Variants in EBF2 observed in about 807,000 individuals in gnomAD.
EBF2 encodes EBF transcription factor 2.
A neutral mutation model predicts 72.8 loss-of-function variants in EBF2; 21 were observed. That is an observed-to-expected ratio of 0.29 (90% confidence interval 0.20 to 0.42). The LOEUF is 0.42. Ranked by LOEUF, EBF2 falls within the 10% of genes least tolerant of loss-of-function variation. The pLI, the probability that EBF2 is intolerant of heterozygous loss-of-function variation, is 1.00. For synonymous variants in EBF2, 299 were observed against 274.2 expected, an observed-to-expected ratio of 1.09 and a Z score of -0.89; for missense variants, 637 against 731.2, an observed-to-expected ratio of 0.87 and a Z score of 1.49.
At chr8:25,848,742 G>A (rs1255678025) in intron 15 of EBF2, among the ~76,000 whole-genome samples, 1 of 152,160 alleles carries the variant, frequency 6.6e-6, no homozygotes, top group East Asian at 1.9e-4. Flanking sequence ...GGAAAGGGCT[G>A]CATCCATCCT....
intron 6 of EBF2, among the ~76,000 whole-genome samples, chr8:26,030,864 A>G (rs954422507): frequency 6.6e-6 from 1 of 152,260 alleles, no homozygotes; most frequent in South Asian, 2.1e-4. Context: ...GCATGCTAGC[A>G]CAAACTATGA....
chr8:25,897,525 C>T (rs1463278239), intron 7 of EBF2, among the ~76,000 whole-genome samples: 1 of 152,080 alleles, frequency 6.6e-6, no homozygotes, highest in Non-Finnish European at 1.5e-5. Context: ...CCTTTCTTTC[C>T]CTGCTAGTAA....
chr8:25,900,646 C>T (rs940456389), intron 7 of EBF2, among the ~76,000 whole-genome samples: 1 of 152,012 alleles, frequency 6.6e-6, no homozygotes, highest in African/African-American at 2.4e-5. Context: ...ATTTGAGACA[C>T]CCAAGGGTCT....
chr8:25,876,748 T>A (rs761810591), intron 10 of EBF2, among the ~76,000 whole-genome samples: 7 of 152,160 alleles, frequency 4.6e-5, no homozygotes, highest in Non-Finnish European at 1.0e-4. Flanking sequence ...GAATAAGACA[T>A]CTAGGATTCA....
chr8:26,012,842 A>G (rs1298170676), intron 6 of EBF2, among the ~76,000 whole-genome samples: 1 of 152,194 alleles, frequency 6.6e-6, no homozygotes, highest in East Asian at 1.9e-4. Flanking sequence ...AGCATCAAAC[A>G]AAGTCTTCCA....
intron 8 of EBF2, among the ~76,000 whole-genome samples, chr8:25,888,233 A>T (rs1401130362): frequency 6.6e-6 from 1 of 152,218 alleles, no homozygotes; most frequent in Non-Finnish European, 1.5e-5. Context: ...CTTGCATTCA[A>T]AGGGCTGGAC....
chr8:26,007,900 TA>T (rs201656932), intron 6 of EBF2, among the ~76,000 whole-genome samples: 191 of 142,664 alleles, frequency 1.3e-3, no homozygotes, highest in African/African-American at 1.2e-3. Flanking sequence ...CAGGTTTCCC[TA>T]AAAAAAAAAA....
chr8:25,976,635 T>TAA (rs5890272), intron 6 of EBF2, among the ~76,000 whole-genome samples: 3 of 151,668 alleles, frequency 2.0e-5, no homozygotes, highest in Non-Finnish European at 1.5e-5. Flanking sequence ...GGGGCTTTCT[T>TAA]AAAAACAAAA....
intron 6 of EBF2, among the ~76,000 whole-genome samples, chr8:25,939,219 A>G (rs532350626): frequency 6.1e-4 from 93 of 152,310 alleles, no homozygotes; most frequent in African/African-American, 2.1e-3. Flanking sequence ...TTACATCACT[A>G]GATTTACTTG....
chr8:25,941,206 CCA>C (rs1194159232), intron 6 of EBF2, among the ~76,000 whole-genome samples: 1 of 83,452 alleles, frequency 1.2e-5, no homozygotes, highest in Non-Finnish European at 2.3e-5. Flanking sequence ...TGCTGCTCCC[CCA>C]TCTTTTTTTT....
At chr8:26,032,493 TTC>T (rs1425298096) in intron 6 of EBF2, 4 of 152,216 alleles carry the variant, frequency 2.6e-5, no homozygotes, top group African/African-American at 9.6e-5. Context: ...GGTTTGTAAG[TTC>T]TGTTTCCAAT....
intron 6 of EBF2, among the ~76,000 whole-genome samples, chr8:25,927,534 T>C (rs1379298560): frequency 6.6e-6 from 1 of 151,918 alleles, no homozygotes; most frequent in Non-Finnish European, 1.5e-5. Flanking sequence ...TATAGAAACT[T>C]GAAAACACAA....
intron 7 of EBF2, among the ~76,000 whole-genome samples, chr8:25,901,163 A>G (rs1051379098): frequency 6.6e-6 from 1 of 152,116 alleles, no homozygotes. Flanking sequence ...CACATTTGCA[A>G]TCTCAGCATT....
chr8:26,041,779 G>A (rs1311188217), intron 2 of EBF2, among the ~76,000 whole-genome samples: 1 of 152,200 alleles, frequency 6.6e-6, no homozygotes, highest in Non-Finnish European at 1.5e-5. Context: ...CAGAGAAGGG[G>A]AGCGGCGGCC....
chr8:25,988,764 T>C (rs916451851), intron 6 of EBF2, among the ~76,000 whole-genome samples: 1 of 152,206 alleles, frequency 6.6e-6, no homozygotes, highest in Non-Finnish European at 1.5e-5. Flanking sequence ...ACAAGACATT[T>C]GCTACTAGGA....
intron 15 of EBF2, among the ~76,000 whole-genome samples, chr8:25,847,199 C>G (rs1280642775): frequency 6.6e-6 from 1 of 152,140 alleles, no homozygotes; most frequent in Non-Finnish European, 1.5e-5. Context: ...TAGCAAGCCT[C>G]AAAGAGTGTG....
intron 6 of EBF2, among the ~76,000 whole-genome samples, chr8:26,015,313 A>G (rs1277640230): frequency 1.3e-5 from 2 of 152,216 alleles, no homozygotes; most frequent in Non-Finnish European, 2.9e-5. Context: ...GAGTTCATAG[A>G]CACACAAATA....
intron 5 of EBF2, among the ~76,000 whole-genome samples, chr8:26,036,418 AAC>A (rs1805501478): frequency 6.6e-6 from 1 of 152,222 alleles, no homozygotes; most frequent in Non-Finnish European, 1.5e-5. Context: ...ACATACATAG[AAC>A]ACACTCACTT....
intron 6 of EBF2, among the ~76,000 whole-genome samples, chr8:25,974,091 T>C (rs1804230944): frequency 6.6e-6 from 1 of 152,194 alleles, no homozygotes; most frequent in African/African-American, 2.4e-5. Context: ...ATGCAAAAGA[T>C]TTTACAGTTC....
Sources: gnomAD v4.1 joint callset for allele counts (sites outside exome capture counted in the v4.1 genomes callset) on GRCh38, gnomAD v4.1.1 for gene constraint, MANE v1.5 for transcripts, NCBI Gene and HGNC (gene_info 2026-07-23, HGNC 2026-07-21) for gene names.